UNC45A: variants seen among roughly 807,000 people sequenced by gnomAD.
UNC45A encodes unc-45 myosin chaperone A.
A neutral mutation model predicts 103.2 loss-of-function variants in UNC45A; 78 were observed. The ratio of observed to expected loss-of-function variants is 0.76; its 90% CI spans 0.63 to 0.91. The LOEUF is 0.91. Among genes scored for constraint, UNC45A ranks in the 40% least tolerant of loss-of-function variants. The pLI is 0.00. For synonymous variants in UNC45A, 495 were observed against 504.6 expected (o/e 0.98, Z 0.25); for missense variants, 1,193 against 1,224.8 (o/e 0.97, Z 0.39).
rs371795716 is a variant in UNC45A, at chr15:90,941,539, T to A, written c.688-898T>A. Among the ~76,000 whole-genome samples, 5 of 152,298 alleles carry A rather than the reference T, an allele frequency of 3.3e-5. No homozygotes were observed. The South Asian group carries it at 6.2e-4, about 19-fold the overall frequency. ...ACTGTTAAAAGCATGTGCATTCTGT[T>A]CCCTCCTGCCTTCCGGTCCATTCCA... is the stretch of plus-strand genomic sequence containing the variant. On this transcript the variant is annotated intron_variant, in intron 6 of 19. Transcript: ENST00000418476.
Position 90,944,876 on chromosome 15 carries a change from CG to C in UNC45A, c.1028-12del, listed in dbSNP as rs750828806. The C allele has an allele frequency of 4.3e-6, 7 of 1,610,044 alleles. No individual in the cohort carries two copies. Among genetic ancestry groups the C allele is most frequent in the African/African-American group, 1.3e-5 (1 of 74,702 alleles). ...TGGAACTAGTGTTCTACTGTCTAAGCGGGGTGTCTTTACAGGTCTGAAAAAG... is the reference window on the plus strand; with the variant it reads ...TGGAACTAGTGTTCTACTGTCTAAGCGGGTGTCTTTACAGGTCTGAAAAAG... On this transcript the variant is annotated splice_polypyrimidine_tract_variant and intron_variant, in intron 8 of 19. Transcript: ENST00000418476.
intron 17 of UNC45A, among the ~76,000 whole-genome samples, chr15:90,951,810 C>T (rs569629328): frequency 2.0e-5 from 3 of 151,200 alleles, no homozygotes; most frequent in South Asian, 2.1e-4. Context: ...CCCAGCTACT[C>T]GAGAGGCTGA....
At chr15:90,947,130 G>C (rs1160398324) in intron 10 of UNC45A, 12 of 578,606 alleles carry the variant, frequency 2.1e-5, no homozygotes, top group Non-Finnish European at 6.1e-6. Flanking sequence ...TTGAGGCTGT[G>C]GTGAGTCACG....
rs1307861530 is a variant in UNC45A at position 90,947,904 on chromosome 15, C to T, written c.1595+14C>T. ...GCAGTGTCGAAAGTGAGTCATCTGGCCTTGCTGTGGTTCCCCACCTGTGGG... is the reference window on the plus strand; with the variant it reads ...GCAGTGTCGAAAGTGAGTCATCTGGTCTTGCTGTGGTTCCCCACCTGTGGG... On this transcript the variant is annotated intron_variant, in intron 11 of 19. Transcript: ENST00000418476. 3 of 1,609,996 alleles carry T rather than the reference C, an allele frequency of 1.9e-6. No homozygotes were observed. In the South Asian group the frequency reaches 3.3e-5, roughly 18 times the overall value.
chr15:90,944,079 C>G (rs952611755), intron 8 of UNC45A, among the ~76,000 whole-genome samples: 1 of 136,926 alleles, frequency 7.3e-6, no homozygotes. Flanking sequence ...CAATTCATCT[C>G]TCTTTTCCCC....
chr15:90,945,633 T>C (rs2036525069), intron 9 of UNC45A, among the ~76,000 whole-genome samples: 2 of 55,054 alleles, frequency 3.6e-5, no homozygotes, highest in Non-Finnish European at 6.2e-5. Context: ...AGTGCTGGGA[T>C]TTTTTTTTTT....
At chr15:90,938,968 G>A (rs142310905) in intron 4 of UNC45A, among the ~76,000 whole-genome samples, 8,679 of 151,024 alleles carry the variant, frequency 0.057, 365 homozygotes, top group South Asian at 0.15. Flanking sequence ...CACCGTGCCT[G>A]GCTTCAGATT....
upstream of UNC45A, chr15:90,934,280 G>C (rs2035904166): frequency 2.5e-6 from 1 of 399,060 alleles, no homozygotes; most frequent in African/African-American, 2.1e-5. Flanking sequence ...AGTAGGGGTG[G>C]AGTGAGCTGT....
Position 90,952,023 on chromosome 15 carries a change from C to G in UNC45A, c.2304-906C>G, listed in dbSNP as rs2036941795. ...CTAATTTTGAGCATTTCCCACAATC[C>G]TATGCTATTTCCTAGGCCTGGTTAG... is the stretch of plus-strand genomic sequence containing the variant. On this transcript the variant is annotated intron_variant, in intron 17 of 19. Transcript: ENST00000418476. Among the ~76,000 whole-genome samples, 2 of 152,194 alleles carry G rather than the reference C, an allele frequency of 1.3e-5. 1 individual carries two copies. The highest frequency in any genetic ancestry group is 4.1e-4 in the South Asian group (2 of 4,834).
At chr15:90,935,508 C>G in intron 1 of UNC45A, 36 bp from the exon 2 acceptor site, 1 of 1,576,778 alleles carries the variant, frequency 6.3e-7, no homozygotes, top group Non-Finnish European at 8.6e-7. Flanking sequence ...CTGCCCCGAA[C>G]CCCCTCCGAC....
At chr15:90,930,253 G>C (rs963705501) in exon 1 of UNC45A, 1 of 152,242 alleles carries the variant, frequency 6.6e-6, no homozygotes, top group Non-Finnish European at 1.5e-5. Flanking sequence ...CGCGCGGCTT[G>C]AGGTACTGGG....
At position 90,952,997 on chromosome 15, in the gene UNC45A, T is replaced by A. The variant is rs770204197; in HGVS notation, c.2372T>A (p.Ile791Asn). The A allele has an allele frequency of 2.5e-6, 4 of 1,613,588 alleles. No individual in the cohort carries two copies. Among genetic ancestry groups the A allele is most frequent in the Non-Finnish European group, 3.4e-6 (4 of 1,180,040 alleles). Residue 791 changes from isoleucine (I) to asparagine (N), a missense_variant, in exon 18 of 20, where the codon ATC becomes AAC. Coordinates refer to ENST00000418476, the MANE Select transcript of UNC45A (RefSeq NM_018671.5). ...TACATGTTTGAGGAGCATGAGATGA[T>A]CCGCCGGGCAGCCACGGAGTGCATG... ...EGYMFEEHEM[I>N]RRAATECMCN...
At chr15:90,946,541 G>A in intron 9 of UNC45A, 73 bp from the exon 10 acceptor site, 2 of 1,468,646 alleles carry the variant, frequency 1.4e-6, no homozygotes, top group South Asian at 2.7e-5. Flanking sequence ...CCTGGCCAGT[G>A]GAGGGGAAGG....
upstream of UNC45A, chr15:90,934,138 T>C (rs989745425): frequency 2.5e-5 from 10 of 399,018 alleles, no homozygotes; most frequent in Admixed American, 3.5e-4. Context: ...CCAACCTCTC[T>C]CTCAGGTACA....
upstream of UNC45A, chr15:90,932,373 T>G: frequency 8.9e-7 from 1 of 1,128,794 alleles, no homozygotes; most frequent in Non-Finnish European, 1.2e-6. Flanking sequence ...CACGTTTCCT[T>G]CCCAGTCCCC....
rs531518292 is a variant in UNC45A, at chr15:90,940,611, C to G, written c.687+138C>G. 7 of 1,145,758 alleles carry G rather than the reference C, an allele frequency of 6.1e-6. No homozygotes were observed. The East Asian group carries it at 2.0e-4, about 32-fold the overall frequency. The allele number at this position is 1,145,758 out of a possible 1,614,324, so 71.0% of individuals were successfully genotyped here. A position where few individuals can be genotyped will look rare whatever the true frequency, so the allele number is the denominator to read the frequency against. On this transcript the variant is annotated intron_variant, in intron 6 of 19. Transcript: ENST00000418476. ...CACTCTTCCACCCTCTACCCCTTAC[C>G]TTATTCTAAAAAGAACTTAGGTAGG...
In UNC45A at chr15:90,949,334, C is replaced by G; in HGVS notation, c.1897C>G (p.Arg633Gly). The change falls in exon 14 of 20, where the codon CGG becomes GGG. Residue 633 changes from arginine (R) to glycine (G), a missense_variant. Arg to Gly is a moderately radical substitution (Grantham distance 125). Transcript: ENST00000418476. ...CCCCCAGGACAAGCCAAGCTTCGTGCGGGCTCGGGTGAAGAAGCTGCTGGC... is the reference window on the plus strand; with the variant it reads ...CCCCCAGGACAAGCCAAGCTTCGTGGGGGCTCGGGTGAAGAAGCTGCTGGC... The part of the protein sequence containing the change: ...QHPKDKPSFV[R>G]ARVKKLLAAG... 6.2e-7 allele frequency: 1 copy of G among 1,612,480 alleles called. No homozygotes were observed. The highest frequency in any genetic ancestry group is 2.2e-5 in the East Asian group (1 of 44,884).
At chr15:90,934,832 G>A, upstream of UNC45A, 1 of 413,332 alleles carries the variant, frequency 2.4e-6, no homozygotes, top group Non-Finnish European at 4.3e-6. Context: ...CACTTATTTG[G>A]GGAGGGAGTC....
chr15:90,938,236 T>A (rs2036117768), intron 4 of UNC45A, among the ~76,000 whole-genome samples: 1 of 152,200 alleles, frequency 6.6e-6, no homozygotes. Flanking sequence ...TGTTCATATT[T>A]TTTTAATAAA....
Sources: allele counts gnomAD v4.1 joint callset (sites outside exome capture counted in the v4.1 genomes callset), GRCh38; gene constraint gnomAD v4.1.1; transcripts MANE v1.5; gene names NCBI Gene and HGNC (gene_info 2026-07-23, HGNC 2026-07-21).